PPARA: variants seen among roughly 807,000 people sequenced by gnomAD.
PPARA encodes peroxisome proliferator activated receptor alpha, also known as peroxisome proliferator-activated receptor alpha.
PPARA carries 22 observed loss-of-function variants against 42.2 expected under a neutral mutation model. That is an observed-to-expected ratio of 0.52 (90% CI 0.37 to 0.74). PPARA has a LOEUF of 0.74. PPARA is among the 30% of genes least tolerant of loss of function. The pLI is 0.00. For missense variants in PPARA, 465 were observed against 608.2 expected, an observed-to-expected ratio of 0.76 and a Z score of 2.48; for synonymous variants, 242 against 239.3, an observed-to-expected ratio of 1.01 and a Z score of -0.10.
chr22:46,158,940 A>G (rs1925730492), intron 2 of PPARA, among the ~76,000 whole-genome samples: 1 of 152,012 alleles, frequency 6.6e-6, no homozygotes, highest in South Asian at 2.1e-4. Context: ...CCCAGGCTGG[A>G]GTGCACTGGC....
In PPARA at chr22:46,161,224, T is replaced by C. The variant is rs1926116787; in HGVS notation, c.-127+9254T>C. Reference sequence around the variant, plus strand: ...GGAATGAATGAATTCAAATGTGGGCTTTCTTAGTAGATTAAATCATTTTCT... The same window carrying C: ...GGAATGAATGAATTCAAATGTGGGCCTTCTTAGTAGATTAAATCATTTTCT... On this transcript the variant is annotated intron_variant, in intron 2 of 8. Coordinates refer to ENST00000407236, the MANE Select transcript of PPARA (RefSeq NM_005036.6). This position sits in a 1 kb window ranked among gnomAD's most constrained non-coding sequence, Gnocchi z 4.8. Among the ~76,000 whole-genome samples, 3 of 152,336 alleles carry C rather than the reference T, an allele frequency of 2.0e-5. No individual in the cohort carries two copies. In the South Asian group the frequency reaches 6.2e-4, roughly 32 times the overall value.
At chr22:46,197,118 C>T (rs1339210216) in intron 3 of PPARA, among the ~76,000 whole-genome samples, 1 of 151,890 alleles carries the variant, frequency 6.6e-6, no homozygotes, top group Admixed American at 6.6e-5. Flanking sequence ...GGCACCATCT[C>T]GGCTCACTGC....
chr22:46,222,067 ACT>A lies in PPARA; in HGVS notation c.711+2056_711+2057del, dbSNP rs201858907. Reference sequence around the variant, plus strand: ...ACTCCAGCTTGGGCAACAGAGTGAGACTCTGTCTCAAAAAAAAAAAGAAAGGA... The same window carrying A: ...ACTCCAGCTTGGGCAACAGAGTGAGACTGTCTCAAAAAAAAAAAGAAAGGA... On this transcript the variant is annotated intron_variant, in intron 7 of 8. Transcript: ENST00000407236. This position sits in a 1 kb window ranked among gnomAD's most constrained non-coding sequence, Gnocchi z 5.9. Among the ~76,000 whole-genome samples, 972 of 151,234 alleles carry A rather than the reference ACT, an allele frequency of 6.4e-3. 9 individuals carry two copies. Among genetic ancestry groups the A allele is most frequent in the African/African-American group, 0.023 (936 of 41,118 alleles).
In PPARA at chr22:46,198,604, T is replaced by A. The variant is rs369368049; in HGVS notation, c.208+13T>A. 2 of 1,612,314 alleles carry A rather than the reference T, an allele frequency of 1.2e-6. No homozygotes were observed. Among genetic ancestry groups the A allele is most frequent in the South Asian group, 2.2e-5 (2 of 91,038 alleles). On this transcript the variant is annotated intron_variant, in intron 4 of 8. Transcript: ENST00000407236. ...TCGGTCATCACGGGTAAGTGTGCCGTTTCCTAGAAAGTTTTATTTAGAAAT... is the reference window on the plus strand; with the variant it reads ...TCGGTCATCACGGGTAAGTGTGCCGATTCCTAGAAAGTTTTATTTAGAAAT...
In PPARA at chr22:46,190,389, A is replaced by G. The variant is rs4253702; in HGVS notation, c.-42-7953A>G. ...AATACAGTAAATTAGAGGGAGTAGT[A>G]CAGAAGCATAAGCAGTCAAAAAAGT... On this transcript the variant is annotated intron_variant, in intron 3 of 8. Transcript: ENST00000407236. This position sits in a 1 kb window ranked among gnomAD's most constrained non-coding sequence, Gnocchi z 5.6. Among the ~76,000 whole-genome samples, 708 of 152,342 alleles carry G rather than the reference A, an allele frequency of 4.6e-3. 6 individuals carry two copies. Among genetic ancestry groups the G allele is most frequent in the African/African-American group, 0.017 (689 of 41,578 alleles).
intron 2 of PPARA, among the ~76,000 whole-genome samples, chr22:46,152,421 C>T (rs1386747929): frequency 6.6e-6 from 1 of 152,136 alleles, no homozygotes; most frequent in East Asian, 1.9e-4. Flanking sequence ...ACGTGAGCCA[C>T]CGTGCCTGGC....
chr22:46,212,848 T>C lies in PPARA; in HGVS notation c.209-2325T>C, dbSNP rs1934071938. On this transcript the variant is annotated intron_variant, in intron 4 of 8. Transcript: ENST00000407236. This position sits in a 1 kb window ranked among gnomAD's most constrained non-coding sequence, Gnocchi z 4.2. ...CTGTCTCTACTAAAAATACAAAAAT[T>C]AGCCGGGCGTGGTAATGGGCACCTG... is the stretch of plus-strand genomic sequence containing the variant. Among the ~76,000 whole-genome samples the C allele has an allele frequency of 6.6e-6, 1 of 152,000 alleles. No homozygotes were observed.
chr22:46,153,727 C>T (rs1477901207), intron 2 of PPARA, among the ~76,000 whole-genome samples: 3 of 151,952 alleles, frequency 2.0e-5, no homozygotes, highest in Admixed American at 6.6e-5. Context: ...GGCATGGTGG[C>T]GGGTGCCTAT....
At chr22:46,172,698 G>A (rs541584003) in intron 2 of PPARA, among the ~76,000 whole-genome samples, 35 of 152,314 alleles carry the variant, frequency 2.3e-4, no homozygotes, top group East Asian at 9.6e-4. Context: ...AACTTTGTGC[G>A]GAGGTAAAAG....
At chr22:46,157,449 T>G (rs953196903) in intron 2 of PPARA, among the ~76,000 whole-genome samples, 1 of 152,186 alleles carries the variant, frequency 6.6e-6, no homozygotes, top group Admixed American at 6.5e-5. Context: ...CTCTTCTTCC[T>G]TCTGTAGGGA....
intron 2 of PPARA, among the ~76,000 whole-genome samples, chr22:46,174,051 G>T (rs868093919): frequency 1.3e-5 from 2 of 151,152 alleles, no homozygotes; most frequent in South Asian, 2.1e-4. Context: ...GGTGGTGCAC[G>T]TCTGTAGTCC....
chr22:46,215,360 G>A (rs955543317), intron 5 of PPARA, 27 bp downstream of exon 5: 5 of 1,613,842 alleles, frequency 3.1e-6, no homozygotes, highest in Middle Eastern at 1.6e-4. Context: ...ACAGGGCCTG[G>A]TGGCCGCCAC....
In PPARA at chr22:46,187,534, C is replaced by T. The variant is rs996217623; in HGVS notation, c.-43+10698C>T. On this transcript the variant is annotated intron_variant, in intron 3 of 8. Transcript: ENST00000407236. This position sits in a 1 kb window ranked among gnomAD's most constrained non-coding sequence, Gnocchi z 4.9. ...TTTCTTGGGACAGTTACAACAGCCC[C>T]GTAAGGAGTTGTGCTGCTTCTAGTC... 2.6e-5 allele frequency among the ~76,000 whole-genome samples: 4 copies of T among 152,198 alleles called. No homozygotes were observed. Among genetic ancestry groups the T allele is most frequent in the Non-Finnish European group, 5.9e-5 (4 of 68,026 alleles).
chr22:46,218,169 AAC>A (rs1415156238), intron 5 of PPARA, 92 bp from the exon 6 acceptor site: 3 of 1,496,256 alleles, frequency 2.0e-6, no homozygotes, highest in East Asian at 2.3e-5. Flanking sequence ...TTTAAAAAGA[AAC>A]AATAAATGAG....
intron 3 of PPARA, among the ~76,000 whole-genome samples, chr22:46,177,048 C>A (rs4253669): frequency 0.14 from 21,640 of 151,926 alleles, 4,048 homozygotes; most frequent in African/African-American, 0.44. Context: ...GTCTCTACTA[C>A]AAATACAAAA....
Position 46,219,812 on chromosome 22 carries a change from C to G in PPARA, c.509C>G (p.Ala170Gly). 1 of 1,614,126 alleles carries G rather than the reference C, an allele frequency of 6.2e-7. No homozygotes were observed. Reference protein sequence around the residue: ...KCLSVGMSHNAIRFGRMPRSE... With the variant: ...KCLSVGMSHNGIRFGRMPRSE... ...CTGTGTTTCCCCCTCCAAACCCTAGCGATTCGTTTTGGACGAATGCCAAGA... is the reference window on the plus strand; with the variant it reads ...CTGTGTTTCCCCCTCCAAACCCTAGGGATTCGTTTTGGACGAATGCCAAGA... The change falls in exon 7 of 9, where the codon GCG (alanine) becomes GGG (glycine). Residue 170 changes from alanine (A) to glycine (G), a missense_variant and splice_region_variant. By Grantham distance (60) the Ala-to-Gly change is moderately conservative. Transcript: ENST00000407236. The surrounding 1 kb of genome is among the most constrained non-coding windows in gnomAD (Gnocchi z 4.8).
At chr22:46,206,848 A>G (rs1194474129) in intron 4 of PPARA, among the ~76,000 whole-genome samples, 1 of 152,178 alleles carries the variant, frequency 6.6e-6, no homozygotes, top group Non-Finnish European at 1.5e-5. Context: ...GATATTATCT[A>G]TAATATGGCT....
chr22:46,153,000 C>T (rs181107458), intron 2 of PPARA, among the ~76,000 whole-genome samples: 216 of 152,280 alleles, frequency 1.4e-3, no homozygotes, highest in African/African-American at 4.5e-3. Context: ...GCAGGAGAAT[C>T]GCTTGAGCCT....
intron 7 of PPARA, among the ~76,000 whole-genome samples, chr22:46,223,646 A>C (rs1935172280): frequency 6.8e-6 from 1 of 146,050 alleles, no homozygotes; most frequent in Non-Finnish European, 1.5e-5. Context: ...CCATCTCAAA[A>C]AAAAAAAAAA....
Sources: allele counts gnomAD v4.1 joint callset (sites outside exome capture counted in the v4.1 genomes callset), GRCh38; gene constraint gnomAD v4.1.1; non-coding constraint Gnocchi (gnomAD v3.1); transcripts MANE v1.5; gene names NCBI Gene and HGNC (gene_info 2026-07-23, HGNC 2026-07-21).